CELF2: variants seen among roughly 807,000 people sequenced by gnomAD.
The protein encoded by CELF2 is CUG triplet repeat RNA-binding protein 2.
Under a neutral mutation model 62.6 loss-of-function variants are expected in CELF2, and 8 were observed. That is an observed-to-expected ratio of 0.13 (90% confidence interval 0.07 to 0.23). The LOEUF is 0.23. Among genes scored for constraint, CELF2 ranks in the 10% least tolerant of loss-of-function variants. The pLI is 1.00. For synonymous variants in CELF2, 258 were observed against 250.0 expected (o/e 1.03, Z -0.30); for missense variants, 333 against 671.0 (o/e 0.50, Z 5.56).
intron 1 of CELF2, among the ~76,000 whole-genome samples, chr10:11,119,935 A>G (rs1022249411): frequency 1.5e-5 from 2 of 137,850 alleles, no homozygotes; most frequent in African/African-American, 2.8e-5. Context: ...ATCGTTTCAT[A>G]GGTACACTTT....
the CELF2 span, among the ~76,000 whole-genome samples, chr10:10,632,141 A>G: frequency 1.3e-5 from 2 of 152,168 alleles, no homozygotes; most frequent in Admixed American, 6.5e-5. Context: ...GCTTTAGGCT[A>G]TAGTCTCATC....
the CELF2 span, among the ~76,000 whole-genome samples, chr10:10,623,085 C>CAAAAAAAAAAAAAAAAAA: frequency 3.5e-5 from 2 of 57,198 alleles, no homozygotes; most frequent in East Asian, 1.0e-3. Flanking sequence ...GACTCCGTCT[C>CAAAAAAAAAAAAAAAAAA]AAAAAAAAAA....
chr10:11,218,025 A>G (rs1246549447), intron 3 of CELF2, among the ~76,000 whole-genome samples: 1 of 152,232 alleles, frequency 6.6e-6, no homozygotes, highest in Non-Finnish European at 1.5e-5. Context: ...ATGTTGATAT[A>G]GGACAGAAAA....
intron 9 of CELF2, among the ~76,000 whole-genome samples, chr10:11,294,903 C>T (rs2092973360): frequency 6.6e-6 from 1 of 152,174 alleles, no homozygotes; most frequent in Non-Finnish European, 1.5e-5. Flanking sequence ...GAGTGAGGCT[C>T]TTTCTCAACA....
At chr10:10,910,599 C>T (rs2063720298) in intron 1 of CELF2, among the ~76,000 whole-genome samples, 1 of 149,766 alleles carries the variant, frequency 6.7e-6, no homozygotes, top group African/African-American at 2.5e-5. Context: ...ACCTGGGAGG[C>T]CGAGGCAAGA....
At chr10:10,709,307 G>C in the CELF2 span, among the ~76,000 whole-genome samples, 1 of 152,098 alleles carries the variant, frequency 6.6e-6, no homozygotes, top group South Asian at 2.1e-4. Context: ...CAGAGAATGG[G>C]GACTTCTTTC....
chr10:11,295,140 G>C (rs576300853), intron 9 of CELF2, among the ~76,000 whole-genome samples: 2 of 152,214 alleles, frequency 1.3e-5, no homozygotes, highest in South Asian at 2.1e-4. Context: ...AATGTTAATG[G>C]AGTCACACAT....
chr10:11,333,197 A>G lies in CELF2; in HGVS notation c.*4144A>G, dbSNP rs2096061430. On this transcript the variant is annotated 3_prime_UTR_variant, in exon 13 of 13. Coordinates refer to ENST00000633077, the MANE Select transcript of CELF2 (RefSeq NM_001326342.2). ...GAGTGTTTCTTCTTCACAAGTCACC[A>G]AGAGAGGACATGAGGGGGAAAGTCC... 1 of 139,324 alleles carries G rather than the reference A, an allele frequency of 7.2e-6. No homozygotes were observed. The highest frequency in any genetic ancestry group is 2.5e-4 in the South Asian group (1 of 4,010). 8.6% of individuals were successfully genotyped at this position (139,324 alleles called of 1,614,324 possible). A position where few individuals can be genotyped will look rare whatever the true frequency, so the allele number is the denominator to read the frequency against.
At chr10:10,840,155 A>G (rs1265142186) in intron 1 of CELF2, among the ~76,000 whole-genome samples, 1 of 152,186 alleles carries the variant, frequency 6.6e-6, no homozygotes, top group Non-Finnish European at 1.5e-5. Flanking sequence ...TTATGAATAA[A>G]TCTGCTGTAA....
intron 1 of CELF2, among the ~76,000 whole-genome samples, chr10:10,887,778 T>C (rs373937907): frequency 1.3e-5 from 2 of 150,474 alleles, no homozygotes; most frequent in Non-Finnish European, 2.9e-5. Flanking sequence ...ACTTTTATTT[T>C]TTTTTTTTTT....
Position 11,297,888 on chromosome 10 carries a change from A to G in CELF2, c.976+9336A>G, listed in dbSNP as rs966529369. ...TCCCAGCTACTCGGGAGGCTGAGGC[A>G]GGAAAATGACTTGAACCCAGGAGGC... On this transcript the variant is annotated intron_variant, in intron 9 of 12. Transcript: ENST00000633077. The surrounding 1 kb of genome is among the most constrained non-coding windows in gnomAD (Gnocchi z 4.4). 6.6e-6 allele frequency among the ~76,000 whole-genome samples: 1 copy of G among 152,196 alleles called. No individual in the cohort carries two copies. Among genetic ancestry groups the G allele is most frequent in the Non-Finnish European group, 1.5e-5 (1 of 68,038 alleles).
Position 10,928,679 on chromosome 10 carries a change from G to A in CELF2, c.89+8680G>A, listed in dbSNP as rs1195845655. 6.6e-6 allele frequency among the ~76,000 whole-genome samples: 1 copy of A among 152,206 alleles called. No homozygotes were observed. Among genetic ancestry groups the A allele is most frequent in the East Asian group, 1.9e-4 (1 of 5,182 alleles). On this transcript the variant is annotated intron_variant, in intron 2 of 13. Coordinates refer to the CELF2 transcript ENST00000636488. The surrounding 1 kb of genome is among the most constrained non-coding windows in gnomAD (Gnocchi z 4.8). ...TTCTATACACATCCTAGGTTTCTTT[G>A]ATACCTTCTCTGCCCTGAAGAGATT...
chr10:10,623,170 T>C, the CELF2 span, among the ~76,000 whole-genome samples: 1 of 146,048 alleles, frequency 6.8e-6, no homozygotes, highest in African/African-American at 2.5e-5. Context: ...CTGTGGAATC[T>C]ATGCCCATGA....
the CELF2 span, among the ~76,000 whole-genome samples, chr10:10,502,122 G>T: frequency 2.6e-5 from 4 of 151,864 alleles, no homozygotes; most frequent in Admixed American, 2.6e-4. Flanking sequence ...ATTTAGTCTT[G>T]ATATATAATT....
chr10:11,319,697 C>T lies in CELF2; in HGVS notation c.1097-1492C>T, dbSNP rs1591470875. ...ACGCCATTCACACTCGTCTCGCCAC[C>T]CCTGCTTGGTGTCTGTTCTGAGAAG... On this transcript the variant is annotated intron_variant, in intron 10 of 12. Transcript: ENST00000633077. The surrounding 1 kb of genome is among the most constrained non-coding windows in gnomAD (Gnocchi z 4.4). 1 of 450,122 alleles carries T rather than the reference C, an allele frequency of 2.2e-6. No homozygotes were observed. Among genetic ancestry groups the T allele is most frequent in the African/African-American group, 2.0e-5 (1 of 49,920 alleles). The allele number at this position is 450,122 out of a possible 1,614,324, so 27.9% of individuals were successfully genotyped here.
At chr10:11,170,369 A>G (rs2068468960) in intron 2 of CELF2, among the ~76,000 whole-genome samples, 1 of 152,222 alleles carries the variant, frequency 6.6e-6, no homozygotes, top group African/African-American at 2.4e-5. Context: ...TTGAAGACTT[A>G]AAAGGAATGG....
In CELF2 at chr10:11,334,681, TCTCCCCTCC is replaced by T. The variant is rs1435315018; in HGVS notation, c.*5632_*5640del. 5 of 152,222 alleles carry T rather than the reference TCTCCCCTCC, an allele frequency of 3.3e-5. No individual in the cohort carries two copies. The highest frequency in any genetic ancestry group is 5.9e-5 in the Non-Finnish European group (4 of 68,068). The allele number at this position is 152,222 out of a possible 1,614,324, so 9.4% of individuals were successfully genotyped here. ...GACCACACAGGTTAATTTCCCCTTC[TCTCCCCTCC>T]CTCATGAGTCTATCCACGCAGTTCT... On this transcript the variant is annotated 3_prime_UTR_variant, in exon 13 of 13. Coordinates refer to ENST00000633077, the MANE Select transcript of CELF2 (RefSeq NM_001326342.2).
chr10:10,541,323 G>C, the CELF2 span, among the ~76,000 whole-genome samples: 1 of 151,992 alleles, frequency 6.6e-6, no homozygotes, highest in Non-Finnish European at 1.5e-5. Flanking sequence ...CTGGAAAGGG[G>C]CTCCACATCC....
At chr10:10,986,698 A>G (rs2052794560) in intron 2 of CELF2, among the ~76,000 whole-genome samples, 1 of 152,258 alleles carries the variant, frequency 6.6e-6, no homozygotes, top group Non-Finnish European at 1.5e-5. Flanking sequence ...AACCACACTT[A>G]AAGTGATGAT....
Sources: gnomAD v4.1 joint callset for allele counts (sites outside exome capture counted in the v4.1 genomes callset) on GRCh38, gnomAD v4.1.1 for gene constraint, Gnocchi (gnomAD v3.1) non-coding constraint, MANE v1.5 for transcripts, NCBI Gene and HGNC (gene_info 2026-07-23, HGNC 2026-07-21) for gene names.